Variants in GATD1 observed in about 807,000 individuals in gnomAD.
The protein encoded by GATD1 is glutamine amidotransferase class 1 domain containing 1, also known as glutamine amidotransferase-like class 1 domain-containing protein 1.
In GATD1, 23 loss-of-function variants were observed where a neutral mutation model predicts 25.9. The ratio of observed to expected loss-of-function variants is 0.89; its 90% CI spans 0.64 to 1.26. The LOEUF is 1.26. Ranked by LOEUF, GATD1 falls within the 50% of genes most tolerant of loss-of-function variation. The pLI is 0.00. For synonymous variants in GATD1, 177 were observed against 134.6 expected, an observed-to-expected ratio of 1.31 and a Z score of -2.18; for missense variants, 347 against 312.5, an observed-to-expected ratio of 1.11 and a Z score of -0.83.
In GATD1 at chr11:770,365, T is replaced by C; in HGVS notation, c.*532A>G. The C allele has an allele frequency of 1.3e-6, 2 of 1,534,148 alleles. No individual in the cohort carries two copies. The highest frequency in any genetic ancestry group is 1.7e-6 in the Non-Finnish European group (2 of 1,145,976). ...TTCTTCAACAGGAAAGTGCTGCCAG[T>C]GCCGGTCGGCCTTGGGGCAGGAGGC... On this transcript the variant is annotated 3_prime_UTR_variant, in exon 8 of 8. Coordinates refer to ENST00000319863, the MANE Select transcript of GATD1 (RefSeq NM_182612.4).
chr11:772,126 G>A (rs1374064650), intron 5 of GATD1, among the ~76,000 whole-genome samples: 5 of 152,062 alleles, frequency 3.3e-5, no homozygotes, highest in African/African-American at 1.2e-4. Context: ...CCCTCCCCAC[G>A]TCCCCTGGTG....
At chr11:773,706 G>T in intron 3 of GATD1, 77 bp from the exon 4 acceptor site, 1 of 1,115,646 alleles carries the variant, frequency 9.0e-7, no homozygotes, top group Non-Finnish European at 1.3e-6. Flanking sequence ...CGAGTGCGTG[G>T]CCAGGACAGA....
chr11:770,333 G>C lies in GATD1; in HGVS notation c.*564C>G. On this transcript the variant is annotated 3_prime_UTR_variant, in exon 8 of 8. Transcript: ENST00000319863. ...GCTTACACTTTGAAACCACACGCCA[G>C]GAAGATTTCTTCAACAGGAAAGTGC... 2 of 1,534,560 alleles carry C rather than the reference G, an allele frequency of 1.3e-6. No individual in the cohort carries two copies. The highest frequency in any genetic ancestry group is 1.7e-6 in the Non-Finnish European group (2 of 1,146,108).
chr11:771,079 G>A lies in GATD1; in HGVS notation c.570C>T (p.Val190=), dbSNP rs771841411. 30 of 1,608,018 alleles carry A rather than the reference G, an allele frequency of 1.9e-5. No homozygotes were observed. Among genetic ancestry groups the A allele is most frequent in the Non-Finnish European group, 2.4e-5 (28 of 1,178,356 alleles). The part of the protein sequence containing the change: ...FSASEPDAVH[V]VLDRHLVTGQ... ...CTGTGACCAGGTGGCGGTCCAGCAC[G>A]ACGTGGACAGCGTCAGGCTCGCTTG... The change falls in exon 7 of 8, where the codon GTC becomes GTT. Residue 190 remains valine (V), a synonymous_variant. Coordinates refer to ENST00000319863, the MANE Select transcript of GATD1 (RefSeq NM_182612.4).
In GATD1 at chr11:768,740, A is replaced by T. The variant is rs1303308049; in HGVS notation, c.*2157T>A. On this transcript the variant is annotated 3_prime_UTR_variant, in exon 8 of 8. Transcript: ENST00000319863. ...CCAGCACTTTGGGAGGCTGAGGAAG[A>T]TGGATCACCTGAGGTCAGGAGTTCA... The T allele has an allele frequency of 6.6e-6, 1 of 151,996 alleles. No individual in the cohort carries two copies. Among genetic ancestry groups the T allele is most frequent in the Non-Finnish European group, 1.5e-5 (1 of 67,998 alleles). The allele number at this position is 151,996 out of a possible 1,614,324, so 9.4% of individuals were successfully genotyped here.
At chr11:773,664 T>C (rs888153730) in intron 3 of GATD1, 35 bp from the exon 4 acceptor site, 3 of 1,516,054 alleles carry the variant, frequency 2.0e-6, no homozygotes, top group Non-Finnish European at 2.7e-6. Context: ...AGCAGCCACA[T>C]GTCAAAGTGA....
intron 1 of GATD1, among the ~76,000 whole-genome samples, chr11:775,531 C>CAG (rs1342231554): frequency 7.2e-5 from 11 of 152,224 alleles, no homozygotes; most frequent in Non-Finnish European, 1.3e-4. Flanking sequence ...CTAGTGCTAA[C>CAG]AGAGCCACGA....
chr11:767,279 T>G lies in GATD1; in HGVS notation c.*3618A>C. The G allele has an allele frequency of 6.5e-7, 1 of 1,536,164 alleles. No individual in the cohort carries two copies. ...GGGTAGATGAACACACACTGGTATA[T>G]GGGGAAATCCTCACCCGCCCTCCGC... On this transcript the variant is annotated 3_prime_UTR_variant, in exon 8 of 8. Transcript: ENST00000319863.
Position 767,690 on chromosome 11 carries a change from A to G in GATD1, c.*3207T>C. On this transcript the variant is annotated 3_prime_UTR_variant, in exon 8 of 8. Coordinates refer to ENST00000319863, the MANE Select transcript of GATD1 (RefSeq NM_182612.4). ...GCAAGGGGATGGTATTAGGTGGGGC[A>G]TTTGGGAGGTCATCCGGTCACAGGG... 1 of 1,089,354 alleles carries G rather than the reference A, an allele frequency of 9.2e-7. No homozygotes were observed. The highest frequency in any genetic ancestry group is 1.6e-5 in the African/African-American group (1 of 62,152). The allele number at this position is 1,089,354 out of a possible 1,614,324, so 67.5% of individuals were successfully genotyped here.
intron 4 of GATD1, 111 bp downstream of exon 4, chr11:773,411 G>A (rs1048301845): frequency 7.9e-6 from 7 of 882,654 alleles, no homozygotes; most frequent in Non-Finnish European, 1.2e-5. Context: ...ACTGACCAGA[G>A]ATCCAGAAAC....
Position 770,344 on chromosome 11 carries a change from T to C in GATD1, c.*553A>G, listed in dbSNP as rs1367603322. ...GAAACCACACGCCAGGAAGATTTCT[T>C]CAACAGGAAAGTGCTGCCAGTGCCG... On this transcript the variant is annotated 3_prime_UTR_variant, in exon 8 of 8. Coordinates refer to ENST00000319863, the MANE Select transcript of GATD1 (RefSeq NM_182612.4). 6.5e-7 allele frequency: 1 copy of C among 1,534,552 alleles called. No homozygotes were observed. The highest frequency in any genetic ancestry group is 1.2e-5 in the South Asian group (1 of 83,956).
At chr11:773,364 C>A (rs1039941627) in intron 4 of GATD1, 158 bp downstream of exon 4, 8 of 631,688 alleles carry the variant, frequency 1.3e-5, no homozygotes, top group Non-Finnish European at 1.9e-5. Context: ...GGGGAAGGGG[C>A]AGTCCCTGCC....
rs1863325219 is a variant in GATD1 at position 770,398 on chromosome 11, C to T, written c.*499G>A. The T allele has an allele frequency of 1.3e-6, 2 of 1,523,456 alleles. No individual in the cohort carries two copies. Among genetic ancestry groups the T allele is most frequent in the African/African-American group, 2.8e-5 (2 of 72,248 alleles). The allele number at this position is 1,523,456 out of a possible 1,614,324, so 94.4% of individuals were successfully genotyped here. A position where few individuals can be genotyped will look rare whatever the true frequency, so the allele number is the denominator to read the frequency against. On this transcript the variant is annotated 3_prime_UTR_variant, in exon 8 of 8. Transcript: ENST00000319863. Reference sequence around the variant, plus strand: ...GGCCTTGGGGCAGGAGGCTGCTGCTCCTAAAAAATTCCGTTCACCTTTGGC... The same window carrying T: ...GGCCTTGGGGCAGGAGGCTGCTGCTTCTAAAAAATTCCGTTCACCTTTGGC...
chr11:772,335 G>A (rs56366057), intron 5 of GATD1, 92 bp downstream of exon 5: 2 of 765,818 alleles, frequency 2.6e-6, no homozygotes, highest in Non-Finnish European at 4.4e-6. Flanking sequence ...CGGCCTCCAG[G>A]CACTCACCCT....
chr11:773,995 G>T lies in GATD1; in HGVS notation c.247+13C>A. On this transcript the variant is annotated intron_variant, in intron 3 of 7. Transcript: ENST00000319863. ...CAGGCACCCCACCCCCAAGGAGTGG[G>T]TCCCGGGCCTACCATCGATGGACTC... 1 of 1,612,294 alleles carries T rather than the reference G, an allele frequency of 6.2e-7. No individual in the cohort carries two copies.
intron 1 of GATD1, 50 bp downstream of exon 1, chr11:777,348 AG>A (rs1864107453): frequency 8.1e-7 from 1 of 1,237,808 alleles, no homozygotes; most frequent in South Asian, 2.6e-5. Flanking sequence ...CGCCCCGGGC[AG>A]CCCCCTCGCG....
Position 770,713 on chromosome 11 carries a change from T to C in GATD1, c.*184A>G. ...TGCAGGAGGATGGGGGTTTGGACCC[T>C]CCAGGAGAGCCGACACCCCCTCAGA... is the stretch of plus-strand genomic sequence containing the variant. On this transcript the variant is annotated 3_prime_UTR_variant, in exon 8 of 8. Coordinates refer to ENST00000319863, the MANE Select transcript of GATD1 (RefSeq NM_182612.4). 6.9e-7 allele frequency: 1 copy of C among 1,455,154 alleles called. No individual in the cohort carries two copies. The highest frequency in any genetic ancestry group is 1.4e-5 in the African/African-American group (1 of 70,534). 90.1% of individuals were successfully genotyped at this position (1,455,154 alleles called of 1,614,324 possible). A position where few individuals can be genotyped will look rare whatever the true frequency, so the allele number is the denominator to read the frequency against.
intron 2 of GATD1, 106 bp from the exon 3 acceptor site, chr11:774,219 G>C (rs1863739595): frequency 2.2e-6 from 2 of 908,318 alleles, no homozygotes; most frequent in East Asian, 5.3e-5. Context: ...ATCCCCCTGA[G>C]GCACAAAGGC....
At position 771,087 on chromosome 11, in the gene GATD1, C is replaced by T. The variant is rs1318527485; in HGVS notation, c.562G>A (p.Val188Ile). The change falls in exon 7 of 8, where the codon GTC becomes ATC. Residue 188 changes from valine (V) to isoleucine (I), a missense_variant. Coordinates refer to ENST00000319863, the MANE Select transcript of GATD1 (RefSeq NM_182612.4). The stretch of plus-strand genomic sequence containing the variant: ...AGGTGGCGGTCCAGCACGACGTGGA[C>T]AGCGTCAGGCTCGCTTGCTGGGGAG... ...ACFSASEPDA[V>I]HVVLDRHLVT... The T allele has an allele frequency of 1.2e-6, 2 of 1,605,170 alleles. No homozygotes were observed. Among genetic ancestry groups the T allele is most frequent in the Admixed American group, 1.7e-5 (1 of 58,826 alleles).
Sources: gnomAD v4.1 joint callset for allele counts (sites outside exome capture counted in the v4.1 genomes callset) on GRCh38, gnomAD v4.1.1 for gene constraint, MANE v1.5 for transcripts, NCBI Gene and HGNC (gene_info 2026-07-23, HGNC 2026-07-21) for gene names.